Variants in CCDC171 observed in about 807,000 individuals in gnomAD.
CCDC171 encodes the protein coiled-coil domain-containing protein 171.
A neutral mutation model predicts 168.2 loss-of-function variants in CCDC171; 177 were observed. The observed-to-expected ratio is 1.05, with a 90% CI of 0.93 to 1.19. The LOEUF (loss-of-function observed/expected upper bound fraction) is 1.19. CCDC171 is among the 50% of genes most tolerant of loss of function. The pLI is 0.00. For synonymous variants in CCDC171, 687 were observed against 540.8 expected (o/e 1.27, Z -3.75); for missense variants, 1,991 against 1,539.0 (o/e 1.29, Z -4.91).
intron 4 of CCDC171, among the ~76,000 whole-genome samples, chr9:15,583,701 C>T (rs1019159823): frequency 6.6e-6 from 1 of 151,936 alleles, no homozygotes; most frequent in African/African-American, 2.4e-5. Context: ...GTGATGAGTG[C>T]ACCAGAATCT....
intron 6 of CCDC171, among the ~76,000 whole-genome samples, chr9:15,596,417 C>G (rs1327742727): frequency 3.3e-4 from 50 of 152,054 alleles, no homozygotes; most frequent in African/African-American, 1.2e-3. Flanking sequence ...TTCCCCATTT[C>G]TTGTTTTTGT....
chr9:16,007,533 A>C (rs13292639), intron 3 of CCDC171, among the ~76,000 whole-genome samples: 4 of 152,032 alleles, frequency 2.6e-5, no homozygotes, highest in East Asian at 1.9e-4. Flanking sequence ...ATGGTATTTC[A>C]TAGGTTTTCT....
At chr9:15,849,669 C>G (rs904680059) in intron 23 of CCDC171, among the ~76,000 whole-genome samples, 1 of 151,684 alleles carries the variant, frequency 6.6e-6, no homozygotes, top group Admixed American at 6.6e-5. Context: ...CTGCTACTGT[C>G]TGAAAGGCAA....
intron 8 of CCDC171, among the ~76,000 whole-genome samples, chr9:15,660,990 C>A (rs1366602329): frequency 4.6e-5 from 7 of 152,128 alleles, no homozygotes; most frequent in Non-Finnish European, 7.4e-5. Context: ...TCTTAACATG[C>A]TGTTTTTTTG....
chr9:15,680,611 T>C (rs753277009), intron 10 of CCDC171, among the ~76,000 whole-genome samples: 3 of 152,238 alleles, frequency 2.0e-5, no homozygotes, highest in Non-Finnish European at 4.4e-5. Context: ...ACTGATATCA[T>C]TGCTTGTTCT....
chr9:15,989,009 A>G (rs562952282), intron 3 of CCDC171, among the ~76,000 whole-genome samples: 21 of 152,206 alleles, frequency 1.4e-4, no homozygotes, highest in Admixed American at 5.9e-4. Flanking sequence ...GGGGCAGGGC[A>G]TAGATGAACA....
At chr9:15,664,231 A>G (rs1244390042) in intron 8 of CCDC171, among the ~76,000 whole-genome samples, 2 of 152,102 alleles carry the variant, frequency 1.3e-5, no homozygotes, top group East Asian at 3.9e-4. Context: ...TCCAGGTAAC[A>G]AAACTACACT....
At chr9:16,013,156 A>C (rs1200292590) in intron 3 of CCDC171, among the ~76,000 whole-genome samples, 1 of 152,164 alleles carries the variant, frequency 6.6e-6, no homozygotes, top group Non-Finnish European at 1.5e-5. Context: ...TCCAGTATTC[A>C]AAACCACAGA....
At chr9:16,072,975 A>G in the CCDC171 span, among the ~76,000 whole-genome samples, 2 of 152,264 alleles carry the variant, frequency 1.3e-5, no homozygotes, top group Non-Finnish European at 2.9e-5. Flanking sequence ...ATATCAGGAG[A>G]CTCAGGATTA....
At chr9:16,064,273 A>G (rs1319218848), downstream of CCDC171, among the ~76,000 whole-genome samples, 1 of 152,202 alleles carries the variant, frequency 6.6e-6, no homozygotes, top group Non-Finnish European at 1.5e-5. Context: ...TCCCAAGTCC[A>G]GAATGTATCC....
chr9:15,983,817 A>AGTGTGTGTGTGT lies in CCDC171; in HGVS notation n.369-36743_369-36732dup, dbSNP rs58951910. 1.9e-3 allele frequency among the ~76,000 whole-genome samples: 276 copies of AGTGTGTGTGTGT among 142,614 alleles called. 3 individuals carry two copies. The highest frequency in any genetic ancestry group is 6.2e-3 in the African/African-American group (239 of 38,702). The allele number at this position is 142,614 out of a possible 152,430, so 93.6% of individuals were successfully genotyped here. A position where few individuals can be genotyped will look rare whatever the true frequency, so the allele number is the denominator to read the frequency against. ...AGGGAGGCAAGAGCTAAATAAAGAG[A>AGTGTGTGTGTGT]GTGTGTGTGTGTGTGTGTGTGTGTG... On this transcript the variant is annotated intron_variant and non_coding_transcript_variant, in intron 3 of 9. Coordinates refer to the CCDC171 transcript ENST00000486641.
intron 24 of CCDC171, among the ~76,000 whole-genome samples, chr9:15,894,494 C>T (rs1056075738): frequency 1.1e-4 from 17 of 152,030 alleles, no homozygotes; most frequent in African/African-American, 3.9e-4. Flanking sequence ...AGCTAAATGG[C>T]TTCCCATCAC....
At chr9:15,839,296 A>G (rs187410598) in intron 21 of CCDC171, among the ~76,000 whole-genome samples, 11 of 152,256 alleles carry the variant, frequency 7.2e-5, no homozygotes, top group African/African-American at 2.6e-4. Context: ...TACTAACTTT[A>G]TGGAGTTTGA....
intron 1 of CCDC171, among the ~76,000 whole-genome samples, chr9:16,048,618 GC>G (rs1209900993): frequency 1.1e-4 from 16 of 152,152 alleles, no homozygotes; most frequent in African/African-American, 3.9e-4. Context: ...CCATTTAGTA[GC>G]CAGTGTAACT....
At chr9:16,003,870 G>A (rs762918124) in intron 3 of CCDC171, among the ~76,000 whole-genome samples, 28 of 152,186 alleles carry the variant, frequency 1.8e-4, no homozygotes, top group Admixed American at 5.2e-4. Flanking sequence ...TTGCTAAAAT[G>A]TTTGCTGTGG....
rs545305911 is a variant in CCDC171 at position 15,710,887 on chromosome 9, G to A, written c.1319-10882G>A. 2.2e-3 allele frequency among the ~76,000 whole-genome samples: 341 copies of A among 152,286 alleles called. 2 individuals carry two copies. Among genetic ancestry groups the A allele is most frequent in the Middle Eastern group, 0.017 (5 of 294 alleles). On this transcript the variant is annotated intron_variant, in intron 11 of 25. Transcript: ENST00000380701. ...GCTGAGATTACAGGCGTGAGCCACC[G>A]TACCCGGCCTTCTGTCTCTTTTTAT... is the stretch of plus-strand genomic sequence containing the variant.
chr9:16,006,340 ATAAT>A (rs1832694995), intron 3 of CCDC171, among the ~76,000 whole-genome samples: 1 of 152,228 alleles, frequency 6.6e-6, no homozygotes, highest in Non-Finnish European at 1.5e-5. Flanking sequence ...CATTTCCCTG[ATAAT>A]TAATGATGTT....
In CCDC171 at chr9:15,838,537, A is replaced by T. The variant is rs1347622775; in HGVS notation, c.3268-8165A>T. On this transcript the variant is annotated intron_variant, in intron 21 of 25. Coordinates refer to ENST00000380701, the MANE Select transcript of CCDC171 (RefSeq NM_173550.4). ...TAGCCAAAGAACCCTTTCTTTAAAA[A>T]AATCTTCCACAAAGTTCATAGAAAA... 2.0e-5 allele frequency among the ~76,000 whole-genome samples: 3 copies of T among 152,358 alleles called. No individual in the cohort carries two copies. The Middle Eastern group carries it at 0.01, about 518-fold the overall frequency.
chr9:15,871,652 T>C (rs1313539587), intron 23 of CCDC171, among the ~76,000 whole-genome samples: 2 of 152,002 alleles, frequency 1.3e-5, no homozygotes, highest in African/African-American at 4.8e-5. Context: ...TCAGCCTGCC[T>C]GTTCTATTTC....
Sources: gnomAD v4.1 joint callset for allele counts (sites outside exome capture counted in the v4.1 genomes callset) on GRCh38, gnomAD v4.1.1 for gene constraint, MANE v1.5 for transcripts, NCBI Gene and HGNC (gene_info 2026-07-23, HGNC 2026-07-21) for gene names.